The following CCSER1 variants were observed in gnomAD, a reference collection of about 807,000 sequenced individuals.
The protein encoded by CCSER1 is coiled-coil serine rich protein 1.
CCSER1 carries 41 observed loss-of-function variants against 82.0 expected under a neutral mutation model. The ratio of observed to expected loss-of-function variants is 0.50; its 90% CI spans 0.39 to 0.65. CCSER1 has a LOEUF of 0.65. CCSER1 is among the 30% of genes least tolerant of loss of function. The probability of loss-of-function intolerance (pLI) is 0.00; values close to 1 mark genes in which losing one functional copy is unlikely to be tolerated. For synonymous variants in CCSER1, 414 were observed against 383.9 expected (o/e 1.08, Z -0.92); for missense variants, 1,119 against 1,064.2 (o/e 1.05, Z -0.72).
chr4:91,601,579 T>TA lies in CCSER1; in HGVS notation c.*2526dup, dbSNP rs1490676364. 6.6e-6 allele frequency: 1 copy of TA among 152,146 alleles called. No individual in the cohort carries two copies. The highest frequency in any genetic ancestry group is 2.4e-5 in the African/African-American group (1 of 41,574). 9.4% of individuals were successfully genotyped at this position (152,146 alleles called of 1,614,324 possible). A position where few individuals can be genotyped will look rare whatever the true frequency, so the allele number is the denominator to read the frequency against. Reference sequence around the variant, plus strand: ...TTTCAGTGAATTGCTTTCTTTGTACTAAAATCTCTAGTTTTCTAAGACAGT... The same window carrying TA: ...TTTCAGTGAATTGCTTTCTTTGTACTAAAAATCTCTAGTTTTCTAAGACAGT... On this transcript the variant is annotated 3_prime_UTR_variant, in exon 11 of 11. Coordinates refer to ENST00000509176, the MANE Select transcript of CCSER1 (RefSeq NM_001145065.2).
chr4:90,594,724 A>G (rs1041359736), intron 5 of CCSER1, among the ~76,000 whole-genome samples: 2 of 152,106 alleles, frequency 1.3e-5, no homozygotes, highest in African/African-American at 2.4e-5. Flanking sequence ...GCAGAATAGT[A>G]AATTGTGAAC....
intron 10 of CCSER1, among the ~76,000 whole-genome samples, chr4:91,483,275 GA>G (rs1185617397): frequency 1.3e-5 from 2 of 152,094 alleles, no homozygotes; most frequent in Non-Finnish European, 2.9e-5. Context: ...AAAAGGGTAA[GA>G]ATTTGATGTT....
intron 10 of CCSER1, among the ~76,000 whole-genome samples, chr4:91,568,157 A>C (rs1480653505): frequency 1.3e-5 from 2 of 152,122 alleles, no homozygotes; most frequent in East Asian, 3.9e-4. Flanking sequence ...CTTCTTTAAG[A>C]ATGTTGAATA....
intron 10 of CCSER1, among the ~76,000 whole-genome samples, chr4:91,284,761 C>T (rs1388036829): frequency 6.6e-6 from 1 of 152,056 alleles, no homozygotes; most frequent in Admixed American, 6.6e-5. Context: ...CCAAGTAAAT[C>T]CATCTTAATA....
intron 5 of CCSER1, among the ~76,000 whole-genome samples, chr4:90,472,440 A>G (rs1286974242): frequency 6.6e-6 from 1 of 152,184 alleles, no homozygotes; most frequent in Non-Finnish European, 1.5e-5. Context: ...ATAAGGAGAA[A>G]CAAGAATTAG....
intron 1 of CCSER1, among the ~76,000 whole-genome samples, chr4:90,240,409 C>A (rs1158750750): frequency 1.3e-5 from 2 of 152,130 alleles, no homozygotes; most frequent in African/African-American, 2.4e-5. Flanking sequence ...CAAGCAACCA[C>A]ACGTTCTTAT....
chr4:90,288,474 G>A (rs2153464341), intron 1 of CCSER1, among the ~76,000 whole-genome samples: 1 of 151,874 alleles, frequency 6.6e-6, no homozygotes, highest in South Asian at 2.1e-4. Context: ...TATTTGTTTT[G>A]TTTATATTCT....
At chr4:90,227,215 T>G (rs951919391) in intron 1 of CCSER1, among the ~76,000 whole-genome samples, 3 of 152,202 alleles carry the variant, frequency 2.0e-5, no homozygotes, top group African/African-American at 7.2e-5. Flanking sequence ...TCTATCAGAT[T>G]AATATGATCT....
At chr4:91,324,713 G>A (rs2149269360) in intron 10 of CCSER1, among the ~76,000 whole-genome samples, 1 of 152,226 alleles carries the variant, frequency 6.6e-6, no homozygotes, top group East Asian at 1.9e-4. Context: ...TTCTAGTACA[G>A]GAAATCTGGG....
intron 10 of CCSER1, among the ~76,000 whole-genome samples, chr4:91,556,279 C>G (rs1762395559): frequency 9.7e-6 from 1 of 102,918 alleles, no homozygotes. Context: ...GAAATATTAC[C>G]CAACTTATCT....
intron 10 of CCSER1, among the ~76,000 whole-genome samples, chr4:91,345,093 GA>G (rs1322155708): frequency 6.6e-6 from 1 of 152,080 alleles, no homozygotes; most frequent in African/African-American, 2.4e-5. Flanking sequence ...TGGAGTTGTT[GA>G]AAATCTTTAT....
chr4:90,300,475 G>A (rs766081347), intron 1 of CCSER1, among the ~76,000 whole-genome samples: 3 of 152,084 alleles, frequency 2.0e-5, no homozygotes, highest in Admixed American at 6.6e-5. Context: ...CCAGTTTATA[G>A]TCTTAGTAAG....
intron 5 of CCSER1, among the ~76,000 whole-genome samples, chr4:90,564,115 GT>G (rs1443764680): frequency 6.7e-6 from 1 of 149,748 alleles, no homozygotes; most frequent in Non-Finnish European, 1.5e-5. Context: ...TTTTACCTGT[GT>G]TTTTATTTTG....
At chr4:91,162,582 C>T (rs1319389443) in intron 10 of CCSER1, among the ~76,000 whole-genome samples, 1 of 152,134 alleles carries the variant, frequency 6.6e-6, no homozygotes, top group African/African-American at 2.4e-5. Context: ...GGTTGCTAGG[C>T]TCTTAATTAT....
intron 6 of CCSER1, among the ~76,000 whole-genome samples, chr4:90,697,283 A>T (rs952386188): frequency 2.0e-5 from 3 of 152,204 alleles, no homozygotes; most frequent in Non-Finnish European, 4.4e-5. Flanking sequence ...TTTATTATAC[A>T]TCAAAAGTTT....
chr4:90,170,404 CTT>C (rs60642438), intron 1 of CCSER1, among the ~76,000 whole-genome samples: 30 of 142,044 alleles, frequency 2.1e-4, no homozygotes, highest in African/African-American at 5.6e-4. Context: ...AACAGCTAAC[CTT>C]TTTTTTTTTT....
At chr4:90,568,617 T>A (rs1367942933) in intron 5 of CCSER1, among the ~76,000 whole-genome samples, 1 of 152,196 alleles carries the variant, frequency 6.6e-6, no homozygotes, top group Non-Finnish European at 1.5e-5. Context: ...ATTCAGCCAC[T>A]CAGTCTTTTG....
chr4:91,306,351 T>G (rs1360367386), intron 10 of CCSER1, among the ~76,000 whole-genome samples: 1 of 152,038 alleles, frequency 6.6e-6, no homozygotes, highest in African/African-American at 2.4e-5. Flanking sequence ...TTGGTTTGCT[T>G]TGGCTTTCTC....
At chr4:90,150,410 A>G (rs1726608497) in intron 1 of CCSER1, among the ~76,000 whole-genome samples, 1 of 152,106 alleles carries the variant, frequency 6.6e-6, no homozygotes, top group Non-Finnish European at 1.5e-5. Flanking sequence ...GTGAATTCCT[A>G]CGTAGTTATT....
Sources: allele counts gnomAD v4.1 joint callset (sites outside exome capture counted in the v4.1 genomes callset), GRCh38; gene constraint gnomAD v4.1.1; transcripts MANE v1.5; gene names NCBI Gene and HGNC (gene_info 2026-07-23, HGNC 2026-07-21).